The following RIT2 variants were observed in gnomAD, a reference collection of about 807,000 sequenced individuals.
RIT2 encodes the protein Ras like without CAAX 2.
A neutral mutation model predicts 23.7 loss-of-function variants in RIT2; 24 were observed. That is an observed-to-expected ratio of 1.01 (90% confidence interval 0.73 to 1.43). The LOEUF is 1.43. RIT2 is among the 40% of genes most tolerant of loss of function. RIT2 has a pLI of 0.00. For synonymous variants in RIT2, 107 were observed against 91.1 expected (o/e 1.17, Z -0.99); for missense variants, 236 against 266.9 (o/e 0.88, Z 0.81).
At chr18:42,795,613 G>A (rs553808856) in intron 4 of RIT2, among the ~76,000 whole-genome samples, 72 of 152,368 alleles carry the variant, frequency 4.7e-4, no homozygotes, top group African/African-American at 1.7e-3. Context: ...GCTGAGAACT[G>A]CGGGCGCGGC....
At chr18:42,919,400 A>G (rs969062556) in intron 4 of RIT2, among the ~76,000 whole-genome samples, 1 of 152,072 alleles carries the variant, frequency 6.6e-6, no homozygotes, top group Non-Finnish European at 1.5e-5. Context: ...AGGTTTGTCT[A>G]TCTTCAGGAT....
intron 4 of RIT2, among the ~76,000 whole-genome samples, chr18:42,774,771 C>T (rs1913629360): frequency 6.6e-6 from 1 of 151,776 alleles, no homozygotes; most frequent in African/African-American, 2.4e-5. Context: ...TCTTAGTTTT[C>T]CCAAAAGTAA....
intron 4 of RIT2, among the ~76,000 whole-genome samples, chr18:42,806,100 A>AATATATAT (rs58214096): frequency 3.5e-4 from 49 of 140,024 alleles, no homozygotes; most frequent in African/African-American, 1.1e-3. Context: ...TAATAAAATT[A>AATATATAT]ATATATATAT....
chr18:43,040,591 G>C (rs1210943159), intron 1 of RIT2, among the ~76,000 whole-genome samples: 2 of 152,068 alleles, frequency 1.3e-5, no homozygotes, highest in Admixed American at 6.6e-5. Context: ...GTGACAGAAT[G>C]TTAAGTAAAA....
chr18:43,086,982 G>A (rs1246334843), intron 1 of RIT2, among the ~76,000 whole-genome samples: 1 of 152,120 alleles, frequency 6.6e-6, no homozygotes, highest in African/African-American at 2.4e-5. Flanking sequence ...GGGCATGGTG[G>A]TTCATACCTG....
At chr18:43,058,300 C>T (rs1912557612) in intron 1 of RIT2, among the ~76,000 whole-genome samples, 1 of 152,018 alleles carries the variant, frequency 6.6e-6, no homozygotes, top group Admixed American at 6.6e-5. Flanking sequence ...GCATGAGAAG[C>T]CCAGGTGTGA....
At chr18:42,903,657 A>G (rs472591) in intron 4 of RIT2, among the ~76,000 whole-genome samples, 90,761 of 151,896 alleles carry the variant, frequency 0.6, 30,122 homozygotes, top group Non-Finnish European at 0.77. Flanking sequence ...CATCCCCACA[A>G]AAAGGATGAT....
intron 1 of RIT2, among the ~76,000 whole-genome samples, chr18:43,110,955 T>C (rs1017858147): frequency 3.3e-5 from 5 of 152,200 alleles, no homozygotes; most frequent in Non-Finnish European, 7.4e-5. Context: ...TCATTTCACA[T>C]AGCTACTTTT....
chr18:42,965,063 T>A (rs1237726386), intron 3 of RIT2, among the ~76,000 whole-genome samples: 1 of 152,202 alleles, frequency 6.6e-6, no homozygotes, highest in African/African-American at 2.4e-5. Flanking sequence ...ATCTTGGCTA[T>A]GTTGCAAATG....
At chr18:42,908,695 TAC>T (rs1189123389) in intron 4 of RIT2, among the ~76,000 whole-genome samples, 1 of 152,130 alleles carries the variant, frequency 6.6e-6, no homozygotes, top group Non-Finnish European at 1.5e-5. Flanking sequence ...TCATCCTTCA[TAC>T]TGAAATAAAG....
At chr18:42,938,393 A>G (rs545323429) in intron 3 of RIT2, among the ~76,000 whole-genome samples, 13 of 152,182 alleles carry the variant, frequency 8.5e-5, no homozygotes, top group Non-Finnish European at 1.8e-4. Flanking sequence ...GAGCAAAATG[A>G]TACTATAAAA....
intron 1 of RIT2, among the ~76,000 whole-genome samples, chr18:43,049,704 A>G (rs1912331084): frequency 6.6e-6 from 1 of 152,106 alleles, no homozygotes; most frequent in African/African-American, 2.4e-5. Context: ...ATATGTATTA[A>G]TAGTTAATGA....
chr18:43,112,902 A>T (rs1913986762), intron 1 of RIT2, among the ~76,000 whole-genome samples: 1 of 152,202 alleles, frequency 6.6e-6, no homozygotes, highest in African/African-American at 2.4e-5. Flanking sequence ...CATCTTCTTT[A>T]GTTTCTTCAG....
chr18:43,049,360 C>T (rs1315499405), intron 1 of RIT2, among the ~76,000 whole-genome samples: 1 of 152,160 alleles, frequency 6.6e-6, no homozygotes, highest in African/African-American at 2.4e-5. Flanking sequence ...ACAATGACAG[C>T]TCTAGCTCAA....
intron 3 of RIT2, among the ~76,000 whole-genome samples, chr18:42,925,410 A>G (rs1169197881): frequency 6.6e-6 from 1 of 152,058 alleles, no homozygotes; most frequent in African/African-American, 2.4e-5. Context: ...TGGAAAAGAA[A>G]TTATAAAATC....
intron 4 of RIT2, among the ~76,000 whole-genome samples, chr18:42,783,540 T>C (rs1045694446): frequency 7.7e-6 from 1 of 129,084 alleles, no homozygotes; most frequent in African/African-American, 4.0e-5. Flanking sequence ...AACAAAAATG[T>C]TGATTTTTTA....
intron 3 of RIT2, among the ~76,000 whole-genome samples, chr18:42,925,078 T>A (rs1909147306): frequency 6.6e-6 from 1 of 152,082 alleles, no homozygotes; most frequent in Admixed American, 6.6e-5. Context: ...AGCAACATGA[T>A]ATAGAGTTGG....
intron 1 of RIT2, among the ~76,000 whole-genome samples, chr18:43,082,739 A>T (rs1283947143): frequency 6.6e-6 from 1 of 152,148 alleles, no homozygotes; most frequent in African/African-American, 2.4e-5. Context: ...TCTCAAAATA[A>T]TAAGAGCTAT....
intron 1 of RIT2, among the ~76,000 whole-genome samples, chr18:43,040,749 AG>A (rs925597600): frequency 3.9e-5 from 6 of 152,150 alleles, no homozygotes; most frequent in African/African-American, 1.4e-4. Flanking sequence ...CTTCAGCATA[AG>A]GGGGAAAAGG....
Sources: allele counts gnomAD v4.1 joint callset (sites outside exome capture counted in the v4.1 genomes callset), GRCh38; gene constraint gnomAD v4.1.1; transcripts MANE v1.5; gene names NCBI Gene and HGNC (gene_info 2026-07-23, HGNC 2026-07-21).